NDST4: variants seen among roughly 807,000 people sequenced by gnomAD.
The protein encoded by NDST4 is N-deacetylase and N-sulfotransferase 4.
Under a neutral mutation model 100.8 loss-of-function variants are expected in NDST4, and 63 were observed. The ratio of observed to expected loss-of-function variants is 0.62; its 90% CI spans 0.51 to 0.77. NDST4 has a LOEUF of 0.77. NDST4 is among the 30% of genes least tolerant of loss of function. NDST4 has a pLI of 0.00. For synonymous variants in NDST4, 377 were observed against 361.8 expected (o/e 1.04, Z -0.48); for missense variants, 943 against 1,018.4 (o/e 0.93, Z 1.01).
chr4:115,059,614 A>AT (rs1323620022), intron 2 of NDST4, among the ~76,000 whole-genome samples: 1 of 151,964 alleles, frequency 6.6e-6, no homozygotes, highest in Non-Finnish European at 1.5e-5. Flanking sequence ...TTCTAGAGAC[A>AT]TTTTTTCATA....
Position 114,857,387 on chromosome 4 carries a change from G to A in NDST4, c.1720-4566C>T, listed in dbSNP as rs1723820016. Among the ~76,000 whole-genome samples, 4 of 152,302 alleles carry A rather than the reference G, an allele frequency of 2.6e-5. No homozygotes were observed. In the South Asian group the frequency reaches 8.3e-4, roughly 32 times the overall value. On this transcript the variant is annotated intron_variant, in intron 7 of 13. Coordinates refer to ENST00000264363, the MANE Select transcript of NDST4 (RefSeq NM_022569.3). Reference sequence around the variant, plus strand: ...TATGTCCAGCAACAATTCACTGTAAGATGGGAATGGTATATCTGGGATCAG... The same window carrying A: ...TATGTCCAGCAACAATTCACTGTAAAATGGGAATGGTATATCTGGGATCAG...
chr4:114,914,093 C>A (rs560909568), intron 6 of NDST4, among the ~76,000 whole-genome samples: 3 of 152,024 alleles, frequency 2.0e-5, no homozygotes, highest in East Asian at 1.9e-4. Context: ...GAAAAACAAA[C>A]GTCTCAGTTC....
chr4:115,017,422 T>C (rs774631052), intron 2 of NDST4, among the ~76,000 whole-genome samples: 2 of 152,064 alleles, frequency 1.3e-5, no homozygotes, highest in Non-Finnish European at 2.9e-5. Flanking sequence ...ACATTACAGA[T>C]ATTATTTCTT....
intron 6 of NDST4, among the ~76,000 whole-genome samples, chr4:114,916,346 C>T (rs887880963): frequency 4.6e-5 from 7 of 152,126 alleles, no homozygotes; most frequent in East Asian, 1.9e-4. Context: ...TCTCTTCTAG[C>T]CTCTTTCTCT....
At chr4:115,090,685 G>C (rs1242380390) in intron 1 of NDST4, among the ~76,000 whole-genome samples, 2 of 151,728 alleles carry the variant, frequency 1.3e-5, no homozygotes, top group Non-Finnish European at 2.9e-5. Flanking sequence ...CAACACTAGA[G>C]GGCAATATAC....
chr4:115,021,499 ACG>A (rs1727821075), intron 2 of NDST4, among the ~76,000 whole-genome samples: 1 of 145,536 alleles, frequency 6.9e-6, no homozygotes, highest in Non-Finnish European at 1.5e-5. Flanking sequence ...ATATATACAC[ACG>A]TTCCACATAT....
intron 6 of NDST4, among the ~76,000 whole-genome samples, chr4:114,884,500 A>T (rs758399829): frequency 2.6e-5 from 4 of 152,158 alleles, no homozygotes; most frequent in Non-Finnish European, 4.4e-5. Flanking sequence ...CTCAACAAAC[A>T]TATAACCATA....
chr4:114,944,807 C>A (rs565907751), intron 4 of NDST4, among the ~76,000 whole-genome samples: 2 of 152,054 alleles, frequency 1.3e-5, no homozygotes, highest in Non-Finnish European at 2.9e-5. Context: ...GCTTCACATG[C>A]GGGGGTAGAA....
chr4:114,931,834 G>A (rs1725522515), intron 6 of NDST4, among the ~76,000 whole-genome samples: 1 of 151,674 alleles, frequency 6.6e-6, no homozygotes, highest in Non-Finnish European at 1.5e-5. Context: ...CGAGTAAAGA[G>A]AATGAATTGT....
intron 7 of NDST4, among the ~76,000 whole-genome samples, chr4:114,854,854 A>G (rs951772882): frequency 6.6e-6 from 1 of 152,174 alleles, no homozygotes; most frequent in African/African-American, 2.4e-5. Flanking sequence ...TGGAAACTCC[A>G]TATTGTTTTC....
Position 115,077,008 on chromosome 4 carries a change from C to T in NDST4, c.29G>A (p.Ser10Asn). The T allele has an allele frequency of 6.2e-7, 1 of 1,603,378 alleles. No individual in the cohort carries two copies. The change falls in exon 2 of 14, where the codon AGT becomes AAT. Residue 10 changes from serine (S) to asparagine (N), a missense_variant. By Grantham distance (46) the Ser-to-Asn change is conservative. Around this residue, in one of 2 missense-constraint regions of NDST4, gnomAD observed 417 missense variants for 384.2 expected, o/e 1.09. Transcript: ENST00000264363. MNLIVKLRRSFRTLIVLLAT... is the reference protein window; with the variant it reads MNLIVKLRRNFRTLIVLLAT... ...TAAGAGAACAATCAATGTTCGAAAACTTCTCCGAAGTTTCACAATAAGATT... is the reference window on the plus strand; with the variant it reads ...TAAGAGAACAATCAATGTTCGAAAATTTCTCCGAAGTTTCACAATAAGATT...
At chr4:114,979,304 T>C (rs915094218) in intron 2 of NDST4, among the ~76,000 whole-genome samples, 4 of 151,492 alleles carry the variant, frequency 2.6e-5, no homozygotes, top group East Asian at 2.0e-4. Context: ...TTTGACTTTA[T>C]TGCATCCATG....
At chr4:114,849,530 G>A (rs931060352) in intron 8 of NDST4, among the ~76,000 whole-genome samples, 1 of 152,154 alleles carries the variant, frequency 6.6e-6, no homozygotes, top group African/African-American at 2.4e-5. Context: ...GTATTAATGA[G>A]ATTGCCGCCC....
At chr4:115,103,672 T>C (rs913032467) in intron 1 of NDST4, among the ~76,000 whole-genome samples, 2 of 152,324 alleles carry the variant, frequency 1.3e-5, no homozygotes, top group South Asian at 4.1e-4. Context: ...AAACCTGCTA[T>C]TTTTAATTTA....
At position 115,093,303 on chromosome 4, in the gene NDST4, A is replaced by G. The variant is rs537733498; in HGVS notation, c.-246-16021T>C. On this transcript the variant is annotated intron_variant, in intron 1 of 13. Coordinates refer to ENST00000264363, the MANE Select transcript of NDST4 (RefSeq NM_022569.3). ...ATCCTGGCTAACACGGTGAAACCCC[A>G]TCTCTACTAAAAATACAAAAAGTTA... Among the ~76,000 whole-genome samples the G allele has an allele frequency of 6.8e-4, 103 of 151,990 alleles. 1 individual carries two copies. Among genetic ancestry groups the G allele is most frequent in the East Asian group, 9.7e-4 (5 of 5,164 alleles).
At chr4:115,092,806 C>A in intron 1 of NDST4, among the ~76,000 whole-genome samples, 1 of 151,770 alleles carries the variant, frequency 6.6e-6, no homozygotes, top group Non-Finnish European at 1.5e-5. Context: ...TAGTAGAAAC[C>A]TACAGCACAT....
intron 2 of NDST4, among the ~76,000 whole-genome samples, chr4:114,981,391 T>C (rs1726769458): frequency 6.6e-6 from 1 of 152,086 alleles, no homozygotes; most frequent in Admixed American, 6.5e-5. Flanking sequence ...TTGCTAAAAT[T>C]GTCAATTCTG....
chr4:115,018,094 G>A (rs924421093), intron 2 of NDST4, among the ~76,000 whole-genome samples: 1 of 151,852 alleles, frequency 6.6e-6, no homozygotes, highest in Non-Finnish European at 1.5e-5. Context: ...TGCTGTTGAA[G>A]CATGCATGTA....
At chr4:114,913,545 T>C (rs558482009) in intron 6 of NDST4, among the ~76,000 whole-genome samples, 3 of 152,128 alleles carry the variant, frequency 2.0e-5, no homozygotes, top group South Asian at 2.1e-4. Flanking sequence ...CTTTGTTTTA[T>C]AGAATGAGAT....
Sources: allele counts gnomAD v4.1 joint callset (sites outside exome capture counted in the v4.1 genomes callset), GRCh38; gene constraint gnomAD v4.1.1; regional missense constraint gnomAD v4.1.1; transcripts MANE v1.5; gene names NCBI Gene and HGNC (gene_info 2026-07-23, HGNC 2026-07-21).